Variants in CNTN3 observed in about 807,000 individuals in gnomAD.
CNTN3 encodes contactin-3.
Under a neutral mutation model 119.1 loss-of-function variants are expected in CNTN3, and 60 were observed. The ratio of observed to expected loss-of-function variants is 0.50; its 90% CI spans 0.41 to 0.62. CNTN3 has a LOEUF of 0.62. Ranked by LOEUF, CNTN3 falls within the 20% of genes least tolerant of loss-of-function variation. The pLI is 0.00. For synonymous variants in CNTN3, 450 were observed against 438.7 expected, an observed-to-expected ratio of 1.03 and a Z score of -0.32; for missense variants, 1,101 against 1,242.4, an observed-to-expected ratio of 0.89 and a Z score of 1.71.
intron 5 of CNTN3, among the ~76,000 whole-genome samples, chr3:74,405,584 A>G (rs1209542989): frequency 6.6e-6 from 1 of 151,990 alleles, no homozygotes. Flanking sequence ...GATTACAATC[A>G]CCTCTTATTT....
chr3:74,507,638 T>C (rs1360665979), intron 2 of CNTN3, among the ~76,000 whole-genome samples: 1 of 147,530 alleles, frequency 6.8e-6, no homozygotes, highest in East Asian at 2.0e-4. Flanking sequence ...TTTTTTTTTT[T>C]TTTTTTTTTT....
At chr3:74,563,096 C>T (rs1575831924) in intron 1 of CNTN3, among the ~76,000 whole-genome samples, 1 of 152,148 alleles carries the variant, frequency 6.6e-6, no homozygotes, top group African/African-American at 2.4e-5. Flanking sequence ...GGAGGAATGG[C>T]TTTAAACAGC....
intron 20 of CNTN3, among the ~76,000 whole-genome samples, chr3:74,284,029 T>C (rs1413936085): frequency 6.6e-6 from 1 of 152,074 alleles, no homozygotes; most frequent in African/African-American, 2.4e-5. Context: ...TAGCCAATTG[T>C]TAGCCACACT....
chr3:74,357,621 T>C (rs1158796053), intron 11 of CNTN3, among the ~76,000 whole-genome samples: 1 of 152,146 alleles, frequency 6.6e-6, no homozygotes, highest in East Asian at 1.9e-4. Context: ...TTTAATCCTT[T>C]GATTGTTTTC....
intron 13 of CNTN3, among the ~76,000 whole-genome samples, chr3:74,332,053 C>G (rs1015456816): frequency 6.6e-6 from 1 of 152,186 alleles, no homozygotes; most frequent in African/African-American, 2.4e-5. Context: ...TGAACTACCC[C>G]TAACCTATTT....
At chr3:74,464,748 C>T (rs933022910) in intron 4 of CNTN3, among the ~76,000 whole-genome samples, 1 of 152,152 alleles carries the variant, frequency 6.6e-6, no homozygotes, top group Non-Finnish European at 1.5e-5. Context: ...TTATCTATTG[C>T]AGAAAATCAG....
chr3:74,436,471 G>C (rs933834802), intron 4 of CNTN3, among the ~76,000 whole-genome samples: 3 of 152,146 alleles, frequency 2.0e-5, no homozygotes, highest in African/African-American at 7.2e-5. Context: ...CAGAATGCTT[G>C]TGCCTGGTAG....
At position 74,610,655 on chromosome 3, in the gene CNTN3, A is replaced by T. The variant is rs76861459; in HGVS notation, c.-81+3736T>A. ...GATGAGTACTAATTTAACTTACATT[A>T]AAAAAAAAAGAAGTCTTGGCTGCTA... On this transcript the variant is annotated intron_variant, in intron 1 of 22. Transcript: ENST00000263665. Among the ~76,000 whole-genome samples the T allele has an allele frequency of 8.5e-4, 125 of 146,318 alleles. 1 individual carries two copies. In the East Asian group the frequency reaches 0.022, roughly 26 times the overall value.
At chr3:74,505,963 T>C (rs1294416777) in intron 2 of CNTN3, among the ~76,000 whole-genome samples, 1 of 152,136 alleles carries the variant, frequency 6.6e-6, no homozygotes, top group Non-Finnish European at 1.5e-5. Flanking sequence ...ATTAGGGAAT[T>C]GGAACTGAGA....
At chr3:74,288,146 TTTC>T (rs1359021596) in intron 19 of CNTN3, among the ~76,000 whole-genome samples, 1 of 133,884 alleles carries the variant, frequency 7.5e-6, no homozygotes, top group Non-Finnish European at 1.6e-5. Context: ...TCTTTTTTCT[TTTC>T]TTTTCTTTTC....
At chr3:74,531,933 G>A (rs775239233) in intron 1 of CNTN3, among the ~76,000 whole-genome samples, 8 of 151,772 alleles carry the variant, frequency 5.3e-5, no homozygotes, top group Non-Finnish European at 1.2e-4. Flanking sequence ...CTAAGGCACT[G>A]AATTGTACAC....
chr3:74,486,550 A>G lies in CNTN3; in HGVS notation c.264T>C (p.Asn88=), dbSNP rs1336325775. ...TTCCTGTATCCCAATTTCTGTTGGG[A>G]TTAATAACCACAAGATTTCCTCCAT... is the stretch of plus-strand genomic sequence containing the variant. ...KLNGGNLVVI[N]PNRNWDTGTY... Residue 88 remains asparagine, a synonymous_variant, in exon 4 of 23, where the codon AAT becomes AAC. Transcript: ENST00000263665. 6.2e-7 allele frequency: 1 copy of G among 1,610,332 alleles called. No homozygotes were observed. Among genetic ancestry groups the G allele is most frequent in the African/African-American group, 1.3e-5 (1 of 74,674 alleles).
chr3:74,356,790 C>G (rs1703943921), intron 11 of CNTN3, among the ~76,000 whole-genome samples: 1 of 152,086 alleles, frequency 6.6e-6, no homozygotes, highest in African/African-American at 2.4e-5. Flanking sequence ...AGAAACAACT[C>G]TCATTTCTTC....
At chr3:74,300,087 A>G (rs985441680) in intron 16 of CNTN3, 149 bp from the exon 17 acceptor site, 3 of 413,572 alleles carry the variant, frequency 7.3e-6, no homozygotes, top group African/African-American at 6.1e-5. Flanking sequence ...ATATACTTAT[A>G]TATTATATGC....
chr3:74,564,556 A>G (rs1559659964), intron 1 of CNTN3, among the ~76,000 whole-genome samples: 1 of 150,470 alleles, frequency 6.6e-6, no homozygotes, highest in Non-Finnish European at 1.5e-5. Context: ...CATTCATTCC[A>G]CCAACACTTA....
intron 1 of CNTN3, among the ~76,000 whole-genome samples, chr3:74,564,808 C>A (rs1448339900): frequency 6.6e-6 from 1 of 152,002 alleles, no homozygotes; most frequent in East Asian, 1.9e-4. Flanking sequence ...CAGACTCTCT[C>A]TCTGCTTAAA....
intron 1 of CNTN3, among the ~76,000 whole-genome samples, chr3:74,531,134 A>G (rs1259175725): frequency 6.6e-6 from 1 of 152,004 alleles, no homozygotes; most frequent in Non-Finnish European, 1.5e-5. Flanking sequence ...TTCGCTCCAC[A>G]CCAGATTAGC....
At chr3:74,299,745 C>T (rs972378195) in intron 17 of CNTN3, 123 bp downstream of exon 17, 4 of 663,080 alleles carry the variant, frequency 6.0e-6, no homozygotes, top group African/African-American at 5.5e-5. Flanking sequence ...AGCAGCAGCA[C>T]CCACCAGCCA....
intron 4 of CNTN3, among the ~76,000 whole-genome samples, chr3:74,451,511 T>G (rs946847127): frequency 5.5e-4 from 83 of 152,288 alleles, no homozygotes; most frequent in African/African-American, 1.8e-3. Flanking sequence ...AGAAGCTCTT[T>G]AGTTTAATTA....
Sources: gnomAD v4.1 joint callset for allele counts (sites outside exome capture counted in the v4.1 genomes callset) on GRCh38, gnomAD v4.1.1 for gene constraint, MANE v1.5 for transcripts, NCBI Gene and HGNC (gene_info 2026-07-23, HGNC 2026-07-21) for gene names.